Variants in XKR9 observed in about 807,000 individuals in gnomAD.
The protein encoded by XKR9 is XK related 9, also known as XK-related protein 9.
Under a neutral mutation model 32.0 loss-of-function variants are expected in XKR9, and 32 were observed. That is an observed-to-expected ratio of 1.00 (90% CI 0.76 to 1.34). XKR9 has a LOEUF of 1.34. Among genes scored for constraint, XKR9 ranks in the 40% most tolerant of loss-of-function variants. The probability of loss-of-function intolerance (pLI) is 0.00; values close to 1 mark genes in which losing one functional copy is unlikely to be tolerated. For missense variants in XKR9, 546 were observed against 429.7 expected (o/e 1.27, Z -2.39); for synonymous variants, 168 against 143.4 (o/e 1.17, Z -1.22).
At chr8:70,793,728 A>T (rs1197466823), downstream of XKR9, among the ~76,000 whole-genome samples, 1 of 152,126 alleles carries the variant, frequency 6.6e-6, no homozygotes, top group African/African-American at 2.4e-5. Flanking sequence ...TCTTTATGTC[A>T]GTTCCACACT....
At chr8:70,860,816 C>T in the XKR9 span, among the ~76,000 whole-genome samples, 1 of 152,020 alleles carries the variant, frequency 6.6e-6, no homozygotes, top group Non-Finnish European at 1.5e-5. Flanking sequence ...GTTGTGTGAC[C>T]TGTGCAAATT....
the XKR9 span, among the ~76,000 whole-genome samples, chr8:71,033,274 T>C: frequency 1.3e-5 from 2 of 152,328 alleles, no homozygotes; most frequent in South Asian, 4.1e-4. Flanking sequence ...CTTTGTGTTC[T>C]GACTTCTTTT....
the XKR9 span, among the ~76,000 whole-genome samples, chr8:70,892,967 G>T: frequency 6.6e-6 from 1 of 152,018 alleles, no homozygotes; most frequent in African/African-American, 2.4e-5. Flanking sequence ...TGGAACTCCC[G>T]TAATACCAAC....
the XKR9 span, among the ~76,000 whole-genome samples, chr8:70,826,822 AAATT>A: frequency 1.3e-5 from 2 of 152,192 alleles, no homozygotes; most frequent in Non-Finnish European, 2.9e-5. Flanking sequence ...ATATTATTAC[AAATT>A]AATAAGCTGA....
chr8:70,980,281 AGTCCCAGTGAGAT>A, the XKR9 span, among the ~76,000 whole-genome samples: 1 of 152,176 alleles, frequency 6.6e-6, no homozygotes, highest in African/African-American at 2.4e-5. Flanking sequence ...CTGTCCAGCC[AGTCCCAGTGAGAT>A]GAACCAGATA....
At chr8:70,694,531 A>G (rs1445283911) in intron 3 of XKR9, among the ~76,000 whole-genome samples, 1 of 152,212 alleles carries the variant, frequency 6.6e-6, no homozygotes. Flanking sequence ...CAGTCTGGCC[A>G]TGTTTTGATA....
At chr8:70,845,782 A>G in the XKR9 span, among the ~76,000 whole-genome samples, 2 of 152,150 alleles carry the variant, frequency 1.3e-5, no homozygotes, top group Non-Finnish European at 2.9e-5. Flanking sequence ...AATAAAAAAA[A>G]CCAAAGCCCA....
the XKR9 span, among the ~76,000 whole-genome samples, chr8:71,064,932 G>A: frequency 6.6e-6 from 1 of 152,236 alleles, no homozygotes; most frequent in African/African-American, 2.4e-5. Flanking sequence ...CATCTTGGAC[G>A]CTGGGAAAGA....
At chr8:70,962,318 G>A in the XKR9 span, among the ~76,000 whole-genome samples, 2 of 152,082 alleles carry the variant, frequency 1.3e-5, no homozygotes, top group African/African-American at 2.4e-5. Context: ...AATTGATCCT[G>A]TCACCCAGTA....
At chr8:71,004,001 G>A in the XKR9 span, among the ~76,000 whole-genome samples, 1 of 151,544 alleles carries the variant, frequency 6.6e-6, no homozygotes, top group East Asian at 1.9e-4. Flanking sequence ...AGATAAAGAA[G>A]GGCATCATGG....
the XKR9 span, among the ~76,000 whole-genome samples, chr8:70,999,991 T>G: frequency 1.3e-5 from 2 of 152,234 alleles, no homozygotes; most frequent in Non-Finnish European, 2.9e-5. Flanking sequence ...CTTTCATTCT[T>G]TCTCCCTAAC....
chr8:70,752,240 C>T (rs1003078030), intron 2 of XKR9, among the ~76,000 whole-genome samples: 2 of 152,188 alleles, frequency 1.3e-5, no homozygotes, highest in African/African-American at 4.8e-5. Flanking sequence ...CTTTAAAACA[C>T]AACATTTAAA....
At chr8:70,880,912 C>T in the XKR9 span, among the ~76,000 whole-genome samples, 2 of 152,096 alleles carry the variant, frequency 1.3e-5, no homozygotes, top group Non-Finnish European at 2.9e-5. Flanking sequence ...GGTACTGGTA[C>T]CAAAACAGAT....
the XKR9 span, among the ~76,000 whole-genome samples, chr8:71,054,437 A>G: frequency 1.3e-5 from 2 of 152,182 alleles, no homozygotes; most frequent in South Asian, 4.2e-4. Context: ...TAAAATTTTC[A>G]CTCTGATAAC....
intron 4 of XKR9, among the ~76,000 whole-genome samples, chr8:70,715,123 G>A (rs1489835528): frequency 1.3e-5 from 2 of 152,168 alleles, no homozygotes; most frequent in African/African-American, 4.8e-5. Context: ...ACATCTGAAA[G>A]ACAATTTAGT....
intron 3 of XKR9, among the ~76,000 whole-genome samples, chr8:70,681,913 T>A (rs1177882118): frequency 1.3e-5 from 2 of 152,130 alleles, no homozygotes; most frequent in East Asian, 3.8e-4. Flanking sequence ...TACTTTTGAT[T>A]CTGTCCTGTT....
chr8:70,708,774 T>A (rs992068389), intron 4 of XKR9, among the ~76,000 whole-genome samples: 1 of 152,118 alleles, frequency 6.6e-6, no homozygotes, highest in Non-Finnish European at 1.5e-5. Flanking sequence ...TATAAAATTA[T>A]GTTATACGAG....
the XKR9 span, among the ~76,000 whole-genome samples, chr8:71,032,056 G>C: frequency 6.6e-6 from 1 of 152,186 alleles, no homozygotes; most frequent in Non-Finnish European, 1.5e-5. Context: ...CACTTTGGCA[G>C]GCTGAGGTGG....
the XKR9 span, among the ~76,000 whole-genome samples, chr8:70,968,628 C>T: frequency 6.6e-6 from 1 of 151,924 alleles, no homozygotes; most frequent in Admixed American, 6.6e-5. Flanking sequence ...TTTTGTGGGG[C>T]CTTTTTTGTT....
Sources: allele counts gnomAD v4.1 joint callset (sites outside exome capture counted in the v4.1 genomes callset), GRCh38; gene constraint gnomAD v4.1.1; transcripts MANE v1.5; gene names NCBI Gene and HGNC (gene_info 2026-07-23, HGNC 2026-07-21).